KAZN: variants seen among roughly 807,000 people sequenced by gnomAD.
KAZN encodes kazrin.
KAZN carries 40 observed loss-of-function variants against 87.4 expected under a neutral mutation model. That is an observed-to-expected ratio of 0.46 (90% CI 0.36 to 0.60). The LOEUF is 0.60. Ranked by LOEUF, KAZN falls within the 20% of genes least tolerant of loss-of-function variation. The pLI is 0.00. For synonymous variants in KAZN, 466 were observed against 458.3 expected, an observed-to-expected ratio of 1.02 and a Z score of -0.22; for missense variants, 898 against 1,073.9, an observed-to-expected ratio of 0.84 and a Z score of 2.29.
In KAZN at chr1:14,292,381, C is replaced by G. The variant is rs183208783; in HGVS notation, c.249+111789C>G. On this transcript the variant is annotated intron_variant, in intron 2 of 16. Transcript: ENST00000636203. ...GGAGGGGGGCCTCTGGAAAAATCGC[C>G]CAAATAGCAGAGGCCTCCTCTGCTT... is the stretch of plus-strand genomic sequence containing the variant. Among the ~76,000 whole-genome samples the G allele has an allele frequency of 2.6e-3, 393 of 152,276 alleles. 4 individuals are homozygous for G. Among genetic ancestry groups the G allele is most frequent in the Admixed American group, 6.6e-3 (101 of 15,298 alleles).
chr1:14,515,613 G>A (rs555550877), intron 2 of KAZN, among the ~76,000 whole-genome samples: 1 of 152,192 alleles, frequency 6.6e-6, no homozygotes, highest in South Asian at 2.1e-4. Flanking sequence ...CTCCTTTCTG[G>A]TCCTCAGCCA....
intron 2 of KAZN, among the ~76,000 whole-genome samples, chr1:14,185,014 G>A (rs1199420166): frequency 6.6e-6 from 1 of 152,176 alleles, no homozygotes; most frequent in Admixed American, 6.5e-5. Context: ...TCTAGCTGCT[G>A]CCGGCTTTAG....
At chr1:14,608,900 T>G (rs1257462974) in intron 1 of KAZN, among the ~76,000 whole-genome samples, 1 of 152,170 alleles carries the variant, frequency 6.6e-6, no homozygotes, top group Non-Finnish European at 1.5e-5. Context: ...ATTTGGCAAG[T>G]GCAACCTGGA....
intron 1 of KAZN, among the ~76,000 whole-genome samples, chr1:14,067,730 C>T (rs715340): frequency 0.097 from 14,760 of 152,128 alleles, 895 homozygotes; most frequent in Middle Eastern, 0.14. Flanking sequence ...ATAAAGAAAA[C>T]GGGGAAGGGT....
At chr1:14,975,783 G>A (rs1422815669) in intron 2 of KAZN, among the ~76,000 whole-genome samples, 4 of 152,132 alleles carry the variant, frequency 2.6e-5, no homozygotes. Context: ...TGTAATCCCA[G>A]TACTGCGGGA....
At chr1:14,601,943 A>G (rs961000503) in intron 1 of KAZN, among the ~76,000 whole-genome samples, 2 of 152,220 alleles carry the variant, frequency 1.3e-5, no homozygotes, top group Admixed American at 6.5e-5. Context: ...GTTTTGGGAA[A>G]GAGTCACCTT....
chr1:14,776,277 T>C (rs899463397), intron 1 of KAZN, among the ~76,000 whole-genome samples: 2 of 152,248 alleles, frequency 1.3e-5, no homozygotes, highest in African/African-American at 4.8e-5. Context: ...GTGCTGGGAT[T>C]ACAGGCGTGA....
rs1320275123 is a variant in KAZN at position 13,995,832 on chromosome 1, C to T, written c.91+102076C>T. Reference sequence around the variant, plus strand: ...ATTGTGGGACCTTGTGATCATGTCTCAAGCATTTTTCCAGATTTTTTTTCT... The same window carrying T: ...ATTGTGGGACCTTGTGATCATGTCTTAAGCATTTTTCCAGATTTTTTTTCT... On this transcript the variant is annotated intron_variant, in intron 1 of 16. Transcript: ENST00000636203. 3.9e-5 allele frequency among the ~76,000 whole-genome samples: 6 copies of T among 152,308 alleles called. No homozygotes were observed. The East Asian group carries it at 7.7e-4, about 20-fold the overall frequency.
intron 2 of KAZN, among the ~76,000 whole-genome samples, chr1:14,374,138 A>C (rs1660717959): frequency 6.6e-6 from 1 of 152,214 alleles, no homozygotes; most frequent in African/African-American, 2.4e-5. Context: ...ACCCTGTGCC[A>C]TATGCAGACA....
chr1:14,577,089 T>A (rs1364534909), intron 2 of KAZN, among the ~76,000 whole-genome samples: 1 of 152,246 alleles, frequency 6.6e-6, no homozygotes, highest in Non-Finnish European at 1.5e-5. Flanking sequence ...GTGTAATGGA[T>A]GAGAACACTT....
chr1:14,477,464 T>G (rs200020829), intron 2 of KAZN, among the ~76,000 whole-genome samples: 1 of 135,510 alleles, frequency 7.4e-6, no homozygotes, highest in Non-Finnish European at 1.5e-5. Context: ...CTCTCTCTCT[T>G]TCTCTCTCTC....
At chr1:14,960,923 A>G in intron 2 of KAZN, 48 bp downstream of exon 2, 1 of 1,541,404 alleles carries the variant, frequency 6.5e-7, no homozygotes, top group South Asian at 1.2e-5. Flanking sequence ...CTCAGGCCCC[A>G]GGGATCTGGA....
At chr1:14,040,064 CGT>C (rs1408019256) in intron 1 of KAZN, among the ~76,000 whole-genome samples, 77 of 149,080 alleles carry the variant, frequency 5.2e-4, no homozygotes, top group African/African-American at 1.5e-3. Context: ...TGTGTGTGCA[CGT>C]GTGTGTGTGT....
intron 1 of KAZN, among the ~76,000 whole-genome samples, chr1:14,844,386 T>C (rs1156622203): frequency 2.0e-5 from 3 of 152,224 alleles, no homozygotes; most frequent in Admixed American, 1.3e-4. Flanking sequence ...GAGCTTGGAA[T>C]TGAGCAGGTG....
At chr1:14,081,102 G>A (rs181569347) in intron 1 of KAZN, among the ~76,000 whole-genome samples, 2 of 147,544 alleles carry the variant, frequency 1.4e-5, no homozygotes, top group East Asian at 2.0e-4. Flanking sequence ...CACACATGGT[G>A]TTGGTTTTTT....
At chr1:14,442,311 C>T (rs571716631) in intron 2 of KAZN, among the ~76,000 whole-genome samples, 2 of 152,328 alleles carry the variant, frequency 1.3e-5, no homozygotes, top group Admixed American at 1.3e-4. Flanking sequence ...GCCTGATATG[C>T]TAATTGGACA....
intron 1 of KAZN, among the ~76,000 whole-genome samples, chr1:13,911,098 G>A (rs1639637286): frequency 6.6e-6 from 1 of 152,136 alleles, no homozygotes; most frequent in African/African-American, 2.4e-5. Flanking sequence ...ACCCAGGCTG[G>A]AGTGCAATGG....
At chr1:14,332,437 G>A (rs564912789) in intron 2 of KAZN, among the ~76,000 whole-genome samples, 102 of 152,270 alleles carry the variant, frequency 6.7e-4, no homozygotes, top group African/African-American at 2.1e-3. Flanking sequence ...AATGCCAAGC[G>A]CACGATGGCC....
At chr1:14,549,080 T>C (rs1192616871) in intron 2 of KAZN, among the ~76,000 whole-genome samples, 3 of 152,250 alleles carry the variant, frequency 2.0e-5, no homozygotes, top group Non-Finnish European at 4.4e-5. Context: ...GATTTTGGTA[T>C]ACTGATCTTA....
Sources: gnomAD v4.1 joint callset for allele counts (sites outside exome capture counted in the v4.1 genomes callset) on GRCh38, gnomAD v4.1.1 for gene constraint, MANE v1.5 for transcripts, NCBI Gene and HGNC (gene_info 2026-07-23, HGNC 2026-07-21) for gene names.